Variants in ASCC3 observed in about 807,000 individuals in gnomAD.
The protein encoded by ASCC3 is activating signal cointegrator 1 complex subunit 3, also known as ASC-1 complex subunit P200.
A neutral mutation model predicts 256.3 loss-of-function variants in ASCC3; 158 were observed. The observed-to-expected ratio is 0.62, with a 90% CI of 0.54 to 0.70. The LOEUF (loss-of-function observed/expected upper bound fraction) is 0.70. Ranked by LOEUF, ASCC3 falls within the 30% of genes least tolerant of loss-of-function variation. The pLI is 0.00. For synonymous variants in ASCC3, 948 were observed against 883.4 expected (o/e 1.07, Z -1.30); for missense variants, 2,259 against 2,626.0 (o/e 0.86, Z 3.05).
chr6:100,834,832 A>G (rs957048979), intron 4 of ASCC3, among the ~76,000 whole-genome samples: 5 of 152,202 alleles, frequency 3.3e-5, no homozygotes, highest in Non-Finnish European at 5.9e-5. Context: ...TTGGTCCTCC[A>G]AAAGAGATCG....
chr6:100,596,251 T>C (rs1772289890), intron 34 of ASCC3, among the ~76,000 whole-genome samples: 1 of 152,222 alleles, frequency 6.6e-6, no homozygotes, highest in Non-Finnish European at 1.5e-5. Flanking sequence ...TACTTCATAG[T>C]AAATTTTTCA....
rs529667287 is a variant in ASCC3 at position 100,802,308 on chromosome 6, T to C, written c.923-1804A>G. 5.3e-3 allele frequency among the ~76,000 whole-genome samples: 802 copies of C among 152,218 alleles called. 4 individuals are homozygous for C. The highest frequency in any genetic ancestry group is 9.1e-3 in the Non-Finnish European group (622 of 68,002). Reference sequence around the variant, plus strand: ...GAACTATGTAGAGGCTTGTATCCTTTTAGAACGGTCGTTTAAAAGTGTGTA... The same window carrying C: ...GAACTATGTAGAGGCTTGTATCCTTCTAGAACGGTCGTTTAAAAGTGTGTA... On this transcript the variant is annotated intron_variant, in intron 5 of 41. Coordinates refer to ENST00000369162, the MANE Select transcript of ASCC3 (RefSeq NM_006828.4).
intron 4 of ASCC3, among the ~76,000 whole-genome samples, chr6:100,818,265 TATCTGTGA>T (rs1770850924): frequency 6.6e-6 from 1 of 152,048 alleles, no homozygotes; most frequent in Non-Finnish European, 1.5e-5. Context: ...TGATCAAGGG[TATCTGTGA>T]AAAATCCACA....
At chr6:100,757,808 A>G (rs544093109) in intron 10 of ASCC3, among the ~76,000 whole-genome samples, 1 of 152,198 alleles carries the variant, frequency 6.6e-6, no homozygotes, top group Non-Finnish European at 1.5e-5. Flanking sequence ...CTTTCTGTGT[A>G]TTCCAGACTG....
intron 14 of ASCC3, among the ~76,000 whole-genome samples, chr6:100,673,149 A>C (rs1430760021): frequency 6.6e-6 from 1 of 152,114 alleles, no homozygotes; most frequent in Admixed American, 6.6e-5. Flanking sequence ...TGTCCTGACT[A>C]TTAATAGAAA....
At chr6:100,744,732 A>G (rs1282414853) in intron 10 of ASCC3, among the ~76,000 whole-genome samples, 2 of 152,202 alleles carry the variant, frequency 1.3e-5, no homozygotes, top group Non-Finnish European at 2.9e-5. Flanking sequence ...CCAAAGGGAA[A>G]AATTTGGAAA....
intron 30 of ASCC3, among the ~76,000 whole-genome samples, chr6:100,621,445 C>T (rs1582578521): frequency 3.9e-5 from 6 of 152,050 alleles, no homozygotes; most frequent in Admixed American, 3.9e-4. Flanking sequence ...ACAGATACTT[C>T]TCAAAAGAAG....
At chr6:100,686,045 C>T (rs1317589564) in intron 13 of ASCC3, among the ~76,000 whole-genome samples, 1 of 152,152 alleles carries the variant, frequency 6.6e-6, no homozygotes. Context: ...CTCAATGTGT[C>T]TTAAGTAAAT....
chr6:100,683,087 C>T (rs1777385812), intron 13 of ASCC3, among the ~76,000 whole-genome samples: 1 of 152,072 alleles, frequency 6.6e-6, no homozygotes, highest in Non-Finnish European at 1.5e-5. Flanking sequence ...TAAATAAAAC[C>T]ACCACTACAA....
chr6:100,761,929 T>G (rs867905240), intron 10 of ASCC3, among the ~76,000 whole-genome samples: 1 of 152,326 alleles, frequency 6.6e-6, no homozygotes, highest in Middle Eastern at 3.4e-3. Flanking sequence ...TTATCCCATA[T>G]ATTGAAATAA....
intron 13 of ASCC3, among the ~76,000 whole-genome samples, chr6:100,706,426 G>C (rs1778585683): frequency 6.6e-6 from 1 of 151,040 alleles, no homozygotes; most frequent in South Asian, 2.1e-4. Flanking sequence ...CTACAGCTTA[G>C]TTAAGGTCAA....
chr6:100,858,253 T>C (rs1773055257), intron 3 of ASCC3: 1 of 549,640 alleles, frequency 1.8e-6, no homozygotes, highest in Non-Finnish European at 2.3e-6. Flanking sequence ...TTAAATTCAT[T>C]TTCTACAGGT....
intron 8 of ASCC3, among the ~76,000 whole-genome samples, chr6:100,787,144 T>C (rs1252493409): frequency 6.6e-6 from 1 of 152,060 alleles, no homozygotes; most frequent in Non-Finnish European, 1.5e-5. Flanking sequence ...AACAGAAGAA[T>C]ATGGCAGAGG....
intron 13 of ASCC3, among the ~76,000 whole-genome samples, chr6:100,696,218 CT>C (rs993689577): frequency 6.6e-6 from 1 of 152,006 alleles, no homozygotes; most frequent in Non-Finnish European, 1.5e-5. Context: ...TTTCCATCCC[CT>C]CTCACTTAAA....
At chr6:100,704,755 G>A (rs11155596) in intron 13 of ASCC3, among the ~76,000 whole-genome samples, 65,794 of 151,608 alleles carry the variant, frequency 0.43, 14,514 homozygotes, top group South Asian at 0.6. Flanking sequence ...TTTGTCTTTA[G>A]TATCACAAGG....
intron 34 of ASCC3, among the ~76,000 whole-genome samples, chr6:100,598,614 C>T (rs913556534): frequency 5.9e-5 from 9 of 152,046 alleles, no homozygotes; most frequent in Admixed American, 5.2e-4. Context: ...AGTTTGTAAC[C>T]AGAGCAACAG....
intron 8 of ASCC3, among the ~76,000 whole-genome samples, chr6:100,787,827 CA>C (rs1409084489): frequency 6.6e-5 from 10 of 151,808 alleles, no homozygotes; most frequent in Non-Finnish European, 1.5e-4. Flanking sequence ...ATATAAAAAC[CA>C]ATTATAAATG....
intron 10 of ASCC3, among the ~76,000 whole-genome samples, chr6:100,734,151 A>C (rs758664282): frequency 1.3e-5 from 2 of 152,164 alleles, no homozygotes; most frequent in Non-Finnish European, 2.9e-5. Flanking sequence ...CCATTAAGTA[A>C]AGCAGAGCCT....
At chr6:100,676,768 A>T (rs78774532) in intron 14 of ASCC3, among the ~76,000 whole-genome samples, 4 of 37,572 alleles carry the variant, frequency 1.1e-4, no homozygotes, top group Non-Finnish European at 1.8e-4. Flanking sequence ...ACACTCACAC[A>T]CACACACACA....
Sources: allele counts gnomAD v4.1 joint callset (sites outside exome capture counted in the v4.1 genomes callset), GRCh38; gene constraint gnomAD v4.1.1; transcripts MANE v1.5; gene names NCBI Gene and HGNC (gene_info 2026-07-23, HGNC 2026-07-21).